Variants in RAB3C observed in about 807,000 individuals in gnomAD.
RAB3C encodes the protein RAB3C, member RAS oncogene family.
A neutral mutation model predicts 26.4 loss-of-function variants in RAB3C; 17 were observed. That is an observed-to-expected ratio of 0.64 (90% confidence interval 0.44 to 0.97). The LOEUF is 0.97. RAB3C is among the 50% of genes least tolerant of loss of function. RAB3C has a pLI of 0.00. For missense variants in RAB3C, 242 were observed against 281.9 expected (o/e 0.86, Z 1.01); for synonymous variants, 91 against 95.9 (o/e 0.95, Z 0.30).
chr5:58,765,272 C>T (rs909854053), intron 3 of RAB3C, among the ~76,000 whole-genome samples: 4 of 152,142 alleles, frequency 2.6e-5, no homozygotes, highest in African/African-American at 9.7e-5. Flanking sequence ...AAAAATTGAG[C>T]TATGACTGGC....
At chr5:58,832,177 C>G (rs1432706204) in intron 4 of RAB3C, among the ~76,000 whole-genome samples, 1 of 152,132 alleles carries the variant, frequency 6.6e-6, no homozygotes, top group Admixed American at 6.6e-5. Context: ...CTAGTCTAGT[C>G]CCCATGTGGC....
At chr5:58,582,460 C>T (rs1745919223), upstream of RAB3C, 4 of 979,248 alleles carry the variant, frequency 4.1e-6, no homozygotes, top group Non-Finnish European at 4.9e-6. Flanking sequence ...CCAGAAATCT[C>T]GCTTTCACGC....
intron 3 of RAB3C, among the ~76,000 whole-genome samples, chr5:58,732,289 A>AT (rs1561303487): frequency 6.6e-6 from 1 of 151,370 alleles, no homozygotes; most frequent in African/African-American, 2.4e-5. Flanking sequence ...AGGCCAAAAA[A>AT]ATTTTTTTAT....
At chr5:58,707,857 A>G (rs1210821020) in intron 2 of RAB3C, among the ~76,000 whole-genome samples, 1 of 152,182 alleles carries the variant, frequency 6.6e-6, no homozygotes, top group Admixed American at 6.5e-5. Context: ...TTTTCCCCCC[A>G]GCCAGCTCTG....
intron 4 of RAB3C, among the ~76,000 whole-genome samples, chr5:58,830,465 A>T (rs1472682602): frequency 1.3e-5 from 2 of 152,184 alleles, no homozygotes; most frequent in Admixed American, 6.5e-5. Flanking sequence ...ATGTTGTGGT[A>T]CCACTCTCAG....
intron 2 of RAB3C, among the ~76,000 whole-genome samples, chr5:58,711,581 G>A (rs1378593577): frequency 6.6e-6 from 1 of 152,102 alleles, no homozygotes; most frequent in East Asian, 1.9e-4. Context: ...AAAAAGCAGA[G>A]GGAGTCTCAT....
rs758360823 is a variant in RAB3C, at chr5:58,583,184, C to T, written c.-25C>T. 6.2e-7 allele frequency: 1 copy of T among 1,614,164 alleles called. No individual in the cohort carries two copies. The highest frequency in any genetic ancestry group is 1.1e-5 in the South Asian group (1 of 91,074). ...AAGCCCAGACCAGTGCGGTCCTAGC[C>T]AGAGAGAAAGGACATTTGCCAACAA... is the stretch of plus-strand genomic sequence containing the variant. On this transcript the variant is annotated 5_prime_UTR_variant, in exon 1 of 5. The change creates a premature stop within an existing upstream ORF in the 5' untranslated region. Transcript: ENST00000282878.
At chr5:58,753,062 G>A (rs933567708) in intron 3 of RAB3C, among the ~76,000 whole-genome samples, 2 of 152,050 alleles carry the variant, frequency 1.3e-5, no homozygotes, top group African/African-American at 4.8e-5. Context: ...TTAATAGGAT[G>A]TTTTGAGCCT....
chr5:58,835,476 C>A (rs896992704), intron 4 of RAB3C, among the ~76,000 whole-genome samples: 2 of 152,158 alleles, frequency 1.3e-5, no homozygotes, highest in South Asian at 2.1e-4. Flanking sequence ...TGGATCAAAG[C>A]TTATCCTCTA....
chr5:58,618,300 G>A (rs1441115957), intron 2 of RAB3C, among the ~76,000 whole-genome samples: 3 of 152,086 alleles, frequency 2.0e-5, no homozygotes, highest in Non-Finnish European at 4.4e-5. Flanking sequence ...GCATTTCAAA[G>A]AAGAAGATAA....
At chr5:58,735,679 T>C (rs570413792) in intron 3 of RAB3C, among the ~76,000 whole-genome samples, 5 of 152,272 alleles carry the variant, frequency 3.3e-5, no homozygotes, top group African/African-American at 1.2e-4. Flanking sequence ...GTTGAATGCA[T>C]TCTTCTTTTG....
At chr5:58,666,888 A>T (rs1748013367) in intron 2 of RAB3C, among the ~76,000 whole-genome samples, 2 of 152,232 alleles carry the variant, frequency 1.3e-5, no homozygotes, top group East Asian at 3.8e-4. Context: ...TGAGGTGATG[A>T]CGTGCGTGGG....
At chr5:58,808,568 A>C (rs1285171606) in intron 3 of RAB3C, among the ~76,000 whole-genome samples, 2 of 152,216 alleles carry the variant, frequency 1.3e-5, no homozygotes, top group South Asian at 2.1e-4. Flanking sequence ...TGGCCCAAGA[A>C]TTCTTTTCAA....
chr5:58,599,418 C>T (rs1746401561), intron 1 of RAB3C, among the ~76,000 whole-genome samples: 1 of 152,216 alleles, frequency 6.6e-6, no homozygotes, highest in Admixed American at 6.5e-5. Flanking sequence ...CATATCATTG[C>T]AGCTGTCAGG....
intron 2 of RAB3C, among the ~76,000 whole-genome samples, chr5:58,672,026 T>A (rs1326317460): frequency 6.6e-6 from 1 of 152,186 alleles, no homozygotes; most frequent in Non-Finnish European, 1.5e-5. Context: ...TGGCATATTA[T>A]AAACTAGGGG....
At chr5:58,832,286 C>A (rs1367053275) in intron 4 of RAB3C, among the ~76,000 whole-genome samples, 1 of 152,136 alleles carries the variant, frequency 6.6e-6, no homozygotes, top group Non-Finnish European at 1.5e-5. Flanking sequence ...GTAAATTTAG[C>A]AAAGTCCACT....
At chr5:58,704,992 T>G (rs926083402) in intron 2 of RAB3C, among the ~76,000 whole-genome samples, 1 of 152,178 alleles carries the variant, frequency 6.6e-6, no homozygotes, top group Non-Finnish European at 1.5e-5. Flanking sequence ...AGATTCAAAG[T>G]GAGTGATAAT....
intron 2 of RAB3C, among the ~76,000 whole-genome samples, chr5:58,626,912 A>G (rs182054300): frequency 1.5e-3 from 235 of 152,290 alleles, no homozygotes; most frequent in African/African-American, 5.4e-3. Context: ...GATATATACA[A>G]GCATATTGAC....
At chr5:58,766,440 G>T (rs1162793626) in intron 3 of RAB3C, among the ~76,000 whole-genome samples, 1 of 152,150 alleles carries the variant, frequency 6.6e-6, no homozygotes, top group Non-Finnish European at 1.5e-5. Flanking sequence ...AGCAATGTGA[G>T]AACAGATTAA....
Sources: allele counts gnomAD v4.1 joint callset (sites outside exome capture counted in the v4.1 genomes callset), GRCh38; gene constraint gnomAD v4.1.1; transcripts MANE v1.5; gene names NCBI Gene and HGNC (gene_info 2026-07-23, HGNC 2026-07-21).